The following SMG6 variants were observed in gnomAD, a reference collection of about 807,000 sequenced individuals.
The protein encoded by SMG6 is telomerase-binding protein EST1A.
SMG6 carries 66 observed loss-of-function variants against 142.2 expected under a neutral mutation model. That is an observed-to-expected ratio of 0.46 (90% confidence interval 0.38 to 0.57). The LOEUF is 0.57. SMG6 is among the 20% of genes least tolerant of loss of function. SMG6 has a pLI of 0.00. For missense variants in SMG6, 1,793 were observed against 1,832.0 expected (o/e 0.98, Z 0.39); for synonymous variants, 779 against 702.4 (o/e 1.11, Z -1.72).
intron 10 of SMG6, among the ~76,000 whole-genome samples, chr17:2,211,392 C>T (rs992921590): frequency 4.6e-5 from 7 of 152,140 alleles, no homozygotes; most frequent in Admixed American, 6.5e-5. Flanking sequence ...GGGCCAGGCG[C>T]GGTGGCTCAC....
At chr17:2,124,681 T>C (rs1416559055) in intron 13 of SMG6, among the ~76,000 whole-genome samples, 1 of 152,096 alleles carries the variant, frequency 6.6e-6, no homozygotes. Context: ...AGAGAGAAGC[T>C]GGGGAAGGGG....
intron 1 of SMG6, among the ~76,000 whole-genome samples, chr17:2,301,820 G>A (rs1025888658): frequency 6.6e-6 from 1 of 151,794 alleles, no homozygotes; most frequent in African/African-American, 2.4e-5. Flanking sequence ...CCAGCCCAGC[G>A]GACAGATACT....
At chr17:2,112,365 A>G (rs560699159) in intron 13 of SMG6, among the ~76,000 whole-genome samples, 75 of 151,510 alleles carry the variant, frequency 5.0e-4, no homozygotes, top group East Asian at 1.9e-3. Context: ...AAAATTAGCC[A>G]GGCGTCGTGG....
intron 10 of SMG6, among the ~76,000 whole-genome samples, chr17:2,190,380 G>A (rs2072123035): frequency 6.6e-6 from 1 of 152,180 alleles, no homozygotes; most frequent in African/African-American, 2.4e-5. Context: ...GGATGGAGGG[G>A]GGTGTCCTGG....
Position 2,068,652 on chromosome 17 carries a change from C to G in SMG6, c.3835+126G>C. On this transcript the variant is annotated intron_variant, in intron 16 of 18. Transcript: ENST00000263073. The surrounding 1 kb of genome is among the most constrained non-coding windows in gnomAD (Gnocchi z 6.7). ...TCTTTGCCCCACGCGTTCCCTACTC[C>G]CCTGCAAATCCCATCTTACACACGC... is the stretch of plus-strand genomic sequence containing the variant. The G allele has an allele frequency of 2.1e-6, 2 of 943,902 alleles. No individual in the cohort carries two copies. Among genetic ancestry groups the G allele is most frequent in the Non-Finnish European group, 3.1e-6 (2 of 638,832 alleles). 58.5% of individuals were successfully genotyped at this position (943,902 alleles called of 1,614,324 possible).
At chr17:2,088,121 A>G (rs2068615044) in intron 13 of SMG6, 1 of 985,336 alleles carries the variant, frequency 1.0e-6, no homozygotes, top group African/African-American at 1.7e-5. Flanking sequence ...CACCCCTGCT[A>G]AGTGTGCAGA....
chr17:2,121,373 T>G (rs2069682417), intron 13 of SMG6, among the ~76,000 whole-genome samples: 1 of 152,130 alleles, frequency 6.6e-6, no homozygotes, highest in Non-Finnish European at 1.5e-5. Flanking sequence ...TCAAAAAGAT[T>G]AAGCTAAATG....
chr17:2,120,729 C>T (rs1056783957), intron 13 of SMG6, among the ~76,000 whole-genome samples: 1 of 152,040 alleles, frequency 6.6e-6, no homozygotes, highest in Non-Finnish European at 1.5e-5. Flanking sequence ...TCTGAAAAAA[C>T]AAAAAGCATA....
At chr17:2,227,332 C>A (rs2151783695) in intron 10 of SMG6, among the ~76,000 whole-genome samples, 1 of 152,310 alleles carries the variant, frequency 6.6e-6, no homozygotes, top group African/African-American at 2.4e-5. Context: ...AAATGTTTAT[C>A]AACAGGTAAC....
chr17:2,143,421 T>A (rs775681497), intron 13 of SMG6, among the ~76,000 whole-genome samples: 1 of 152,210 alleles, frequency 6.6e-6, no homozygotes, highest in African/African-American at 2.4e-5. Context: ...AGTACTGATA[T>A]GAGCTGTGAC....
intron 4 of SMG6, 103 bp from the exon 5 acceptor site, chr17:2,293,080 A>G: frequency 2.5e-6 from 2 of 804,032 alleles, no homozygotes; most frequent in Non-Finnish European, 4.3e-6. Flanking sequence ...CTCGTAAGGC[A>G]CTAGCGGTCC....
intron 4 of SMG6, among the ~76,000 whole-genome samples, chr17:2,294,805 G>C (rs188817978): frequency 6.6e-6 from 1 of 151,896 alleles, no homozygotes; most frequent in African/African-American, 2.4e-5. Context: ...ACAGGAGCAC[G>C]GTTTTTTTTC....
chr17:2,134,672 G>T (rs1157317536), intron 13 of SMG6, among the ~76,000 whole-genome samples: 1 of 152,060 alleles, frequency 6.6e-6, no homozygotes, highest in Non-Finnish European at 1.5e-5. Flanking sequence ...CATGAAAATT[G>T]ATCATGTTGG....
intron 16 of SMG6, among the ~76,000 whole-genome samples, chr17:2,066,652 T>TATACAC: frequency 8.4e-6 from 1 of 119,588 alleles, no homozygotes; most frequent in South Asian, 3.0e-4. Context: ...CATGTGGGAA[T>TATACAC]ACACACACAC....
At chr17:2,078,863 C>A (rs529006076) in intron 15 of SMG6, among the ~76,000 whole-genome samples, 2 of 152,248 alleles carry the variant, frequency 1.3e-5, no homozygotes, top group Admixed American at 1.3e-4. Flanking sequence ...GGCCCAAAGA[C>A]AAAGGGAGGT....
At chr17:2,276,324 C>G (rs1056418469) in intron 8 of SMG6, among the ~76,000 whole-genome samples, 1 of 152,138 alleles carries the variant, frequency 6.6e-6, no homozygotes, top group African/African-American at 2.4e-5. Context: ...TACAGCTACC[C>G]CAGTTCACCA....
chr17:2,282,390 C>CAAAAAAAAAAA (rs576759563), intron 8 of SMG6, among the ~76,000 whole-genome samples: 7 of 84,524 alleles, frequency 8.3e-5, no homozygotes, highest in Admixed American at 1.3e-4. Context: ...CAAAAAGCAG[C>CAAAAAAAAAAA]AAAAAAAAAA....
At chr17:2,225,216 A>G (rs2073281394) in intron 10 of SMG6, among the ~76,000 whole-genome samples, 1 of 151,974 alleles carries the variant, frequency 6.6e-6, no homozygotes, top group Non-Finnish European at 1.5e-5. Flanking sequence ...AGTGGCTCAC[A>G]CCTGTAATCC....
chr17:2,152,619 A>C (rs897079629), intron 13 of SMG6, among the ~76,000 whole-genome samples: 8 of 152,246 alleles, frequency 5.3e-5, no homozygotes, highest in Non-Finnish European at 1.2e-4. Context: ...ATTAGCCATT[A>C]GAGAAATGCG....
Sources: allele counts gnomAD v4.1 joint callset (sites outside exome capture counted in the v4.1 genomes callset), GRCh38; gene constraint gnomAD v4.1.1; non-coding constraint Gnocchi (gnomAD v3.1); transcripts MANE v1.5; gene names NCBI Gene and HGNC (gene_info 2026-07-23, HGNC 2026-07-21).